The following DNAH3 variants were observed in gnomAD, a reference collection of about 807,000 sequenced individuals.
DNAH3 encodes axonemal beta dynein heavy chain 3.
Under a neutral mutation model 432.5 loss-of-function variants are expected in DNAH3, and 332 were observed. The ratio of observed to expected loss-of-function variants is 0.77; its 90% confidence interval spans 0.70 to 0.84. The LOEUF (loss-of-function observed/expected upper bound fraction) is 0.84, where lower values mean the gene tolerates loss of function less well. Ranked by LOEUF, DNAH3 falls within the 40% of genes least tolerant of loss-of-function variation. DNAH3 has a pLI of 0.00. For synonymous variants in DNAH3, 1,956 were observed against 1,900.2 expected, an observed-to-expected ratio of 1.03 and a Z score of -0.76; for missense variants, 4,861 against 5,114.0, an observed-to-expected ratio of 0.95 and a Z score of 1.51.
chr16:21,113,754 G>A (rs550531286), intron 12 of DNAH3, among the ~76,000 whole-genome samples: 39 of 152,220 alleles, frequency 2.6e-4, no homozygotes, highest in Middle Eastern at 6.8e-3. Context: ...TCACCAGGCC[G>A]GGCCCAATGT....
chr16:20,980,492 C>T (rs2085848874), intron 49 of DNAH3, among the ~76,000 whole-genome samples: 1 of 151,296 alleles, frequency 6.6e-6, no homozygotes. Flanking sequence ...CCCACCTCAG[C>T]CTCCTGAGTA....
intron 14 of DNAH3, among the ~76,000 whole-genome samples, chr16:21,108,991 C>T (rs941234183): frequency 6.6e-6 from 1 of 151,336 alleles, no homozygotes; most frequent in Non-Finnish European, 1.5e-5. Context: ...GGTGTGGTGG[C>T]ACACACCTGT....
At chr16:20,990,281 A>C (rs1367269593) in intron 44 of DNAH3, among the ~76,000 whole-genome samples, 1 of 152,176 alleles carries the variant, frequency 6.6e-6, no homozygotes, top group Non-Finnish European at 1.5e-5. Flanking sequence ...TATCTGTCTA[A>C]TCTATCATCT....
chr16:20,981,720 A>G (rs2085907344), intron 49 of DNAH3, among the ~76,000 whole-genome samples: 1 of 151,968 alleles, frequency 6.6e-6, no homozygotes, highest in South Asian at 2.1e-4. Context: ...GTGAGACTCC[A>G]TCTCAAAATA....
At chr16:21,150,659 C>G (rs2092842949) in intron 1 of DNAH3, 92 bp downstream of exon 1, 1 of 184,400 alleles carries the variant, frequency 5.4e-6, no homozygotes, top group Non-Finnish European at 1.1e-5. Context: ...GAGTGCTTCT[C>G]TCTTGGAAAT....
At chr16:21,078,769 G>A (rs1187859407) in intron 20 of DNAH3, among the ~76,000 whole-genome samples, 1 of 152,236 alleles carries the variant, frequency 6.6e-6, no homozygotes, top group African/African-American at 2.4e-5. Context: ...AAATATATCA[G>A]GAGTTGACCT....
chr16:21,137,423 CT>C (rs560633047), intron 5 of DNAH3, among the ~76,000 whole-genome samples: 4,639 of 137,160 alleles, frequency 0.034, 108 homozygotes, highest in African/African-American at 0.067. Flanking sequence ...TATTGTTGTT[CT>C]TTTTTTTTTT....
chr16:20,944,595 G>T (rs776613491), exon 58 of DNAH3: 4 of 1,613,974 alleles, frequency 2.5e-6, no homozygotes, highest in Admixed American at 1.7e-5. Flanking sequence ...TGATGTCTGC[G>T]TTCTCATGGA....
At chr16:21,157,485 A>G (rs2092906784) in intron 1 of DNAH3, among the ~76,000 whole-genome samples, 1 of 151,700 alleles carries the variant, frequency 6.6e-6, no homozygotes, top group African/African-American at 2.4e-5. Flanking sequence ...GCGCACCACC[A>G]TGCCTGGCTA....
chr16:21,080,310 GATAAA>G (rs1367563706), intron 20 of DNAH3, among the ~76,000 whole-genome samples: 5 of 151,646 alleles, frequency 3.3e-5, no homozygotes, highest in African/African-American at 7.3e-5. Context: ...AATAAAATAA[GATAAA>G]ATAAAATAAA....
chr16:20,975,426 G>C lies in DNAH3; in HGVS notation c.8077-11C>G. On this transcript the variant is annotated splice_polypyrimidine_tract_variant and intron_variant, in intron 50 of 61. Transcript: ENST00000261383. ...TTGCATAACCGCTACCTAGCAAGGA[G>C]AGAGGTGGGAGAAATCCAGGGTCAG... 1 of 1,608,852 alleles carries C rather than the reference G, an allele frequency of 6.2e-7. No individual in the cohort carries two copies. Among genetic ancestry groups the C allele is most frequent in the Non-Finnish European group, 8.5e-7 (1 of 1,177,476 alleles).
At chr16:21,075,648 C>T (rs1019753185) in intron 20 of DNAH3, 87 bp from the exon 21 acceptor site, 18 of 1,035,002 alleles carry the variant, frequency 1.7e-5, no homozygotes, top group Non-Finnish European at 2.6e-5. Context: ...CATGGTGGCT[C>T]ATGCCTGTAA....
chr16:21,117,245 T>C, exon 12 of DNAH3: 1 of 1,610,628 alleles, frequency 6.2e-7, no homozygotes. Context: ...CTTGAAAGTT[T>C]GAATCAAAAA....
intron 48 of DNAH3, 86 bp downstream of exon 48, chr16:20,984,963 T>G: frequency 1.7e-6 from 2 of 1,143,632 alleles, no homozygotes; most frequent in Non-Finnish European, 2.5e-6. Context: ...CCTGGGACCA[T>G]TGTAAGGGAT....
chr16:21,133,361 CAAAAAAA>C (rs34385925), intron 7 of DNAH3, among the ~76,000 whole-genome samples: 4 of 70,192 alleles, frequency 5.7e-5, no homozygotes, highest in South Asian at 5.3e-4. Context: ...AGATTCGTCT[CAAAAAAA>C]AAAAAAAAAA....
chr16:20,982,109 T>C (rs1267106438), intron 49 of DNAH3, among the ~76,000 whole-genome samples: 1 of 151,414 alleles, frequency 6.6e-6, no homozygotes, highest in African/African-American at 2.4e-5. Context: ...TTTTGCCAGG[T>C]GCAGTAGCTC....
chr16:20,941,874 A>C (rs990124598), intron 58 of DNAH3, among the ~76,000 whole-genome samples: 2 of 152,134 alleles, frequency 1.3e-5, no homozygotes, highest in Non-Finnish European at 2.9e-5. Flanking sequence ...CCTGGGAAAC[A>C]TAGCGAAACC....
At chr16:21,147,030 G>C (rs1201017793) in intron 1 of DNAH3, among the ~76,000 whole-genome samples, 1 of 151,922 alleles carries the variant, frequency 6.6e-6, no homozygotes, top group East Asian at 1.9e-4. Flanking sequence ...AAAGTTCTGG[G>C]ATTACAGGCA....
chr16:20,987,779 G>A (rs2086274549), exon 46 of DNAH3: 1 of 1,614,136 alleles, frequency 6.2e-7, no homozygotes, highest in South Asian at 1.1e-5. Context: ...GACTTCGAGG[G>A]AGTTGGCAAG....
Sources: allele counts gnomAD v4.1 joint callset (sites outside exome capture counted in the v4.1 genomes callset), GRCh38; gene constraint gnomAD v4.1.1; transcripts MANE v1.5; gene names NCBI Gene and HGNC (gene_info 2026-07-23, HGNC 2026-07-21).